Variants in NAA30 observed in about 807,000 individuals in gnomAD.
The protein encoded by NAA30 is N-alpha-acetyltransferase 30.
Under a neutral mutation model 31.4 loss-of-function variants are expected in NAA30, and 5 were observed. The observed-to-expected ratio is 0.16, with a 90% CI of 0.08 to 0.33. The LOEUF (loss-of-function observed/expected upper bound fraction) is 0.33. NAA30 is among the 10% of genes least tolerant of loss of function. The pLI, the probability that NAA30 is intolerant of heterozygous loss-of-function variation, is 1.00. For missense variants in NAA30, 428 were observed against 490.8 expected, an observed-to-expected ratio of 0.87 and a Z score of 1.21; for synonymous variants, 222 against 207.1, an observed-to-expected ratio of 1.07 and a Z score of -0.62.
chr14:57,397,405 C>CTG (rs1290211034), intron 3 of NAA30, among the ~76,000 whole-genome samples: 4 of 152,036 alleles, frequency 2.6e-5, no homozygotes, highest in Non-Finnish European at 5.9e-5. Context: ...TCTACTTTTC[C>CTG]TGACATGTTT....
chr14:57,401,732 G>A (rs2066478262), intron 4 of NAA30, among the ~76,000 whole-genome samples: 1 of 152,212 alleles, frequency 6.6e-6, no homozygotes, highest in Non-Finnish European at 1.5e-5. Flanking sequence ...GTTACTACTT[G>A]TGAGGCAGGC....
intron 4 of NAA30, among the ~76,000 whole-genome samples, chr14:57,407,965 A>C (rs773744066): frequency 6.6e-6 from 1 of 152,156 alleles, no homozygotes; most frequent in African/African-American, 2.4e-5. Flanking sequence ...ATGAGGTTCA[A>C]AGATGACTCC....
At position 57,393,809 on chromosome 14, in the gene NAA30, C is replaced by G. The variant is rs116332095; in HGVS notation, c.771+2081C>G. ...GTTTCAATCTCCAGATATTTACCGT[C>G]GGAAGGGTAAAGCTAGAACCCAGTT... On this transcript the variant is annotated intron_variant, in intron 2 of 4. Coordinates refer to ENST00000556492, the MANE Select transcript of NAA30 (RefSeq NM_001011713.3). 9.3e-4 allele frequency among the ~76,000 whole-genome samples: 141 copies of G among 152,150 alleles called. 1 individual carries two copies. The highest frequency in any genetic ancestry group is 8.3e-3 in the South Asian group (40 of 4,822).
In NAA30 at chr14:57,410,010, C is replaced by T. The variant is rs1476495174; in HGVS notation, c.*494C>T. ...TTTCCATTCTTGAATATTGGTACCT[C>T]AGTGATTAGTGAATGAAAAAAATGT... is the stretch of plus-strand genomic sequence containing the variant. On this transcript the variant is annotated 3_prime_UTR_variant, in exon 5 of 5. Transcript: ENST00000556492. The T allele has an allele frequency of 1.3e-5, 2 of 152,402 alleles. No homozygotes were observed. The highest frequency in any genetic ancestry group is 6.6e-5 in the Admixed American group (1 of 15,244). The allele number at this position is 152,402 out of a possible 1,614,324, so 9.4% of individuals were successfully genotyped here.
At chr14:57,406,954 G>A (rs1047620898) in intron 4 of NAA30, among the ~76,000 whole-genome samples, 1 of 152,120 alleles carries the variant, frequency 6.6e-6, no homozygotes, top group African/African-American at 2.4e-5. Flanking sequence ...GTGCAGTGGT[G>A]CACTCACAGC....
chr14:57,408,692 T>C (rs1225324022), intron 4 of NAA30, among the ~76,000 whole-genome samples: 2 of 152,226 alleles, frequency 1.3e-5, no homozygotes, highest in Admixed American at 6.5e-5. Flanking sequence ...ACCTCTTGTC[T>C]GGATTCAGCA....
chr14:57,414,889 C>T lies in NAA30; in HGVS notation c.*5373C>T, dbSNP rs1184567238. On this transcript the variant is annotated 3_prime_UTR_variant, in exon 5 of 5. Transcript: ENST00000556492. ...GTGTTTAATCTCAATATGAAACAGA[C>T]CTAGAAATAACAAAGACCACTGAAG... 6.6e-6 allele frequency: 1 copy of T among 152,128 alleles called. No homozygotes were observed. The highest frequency in any genetic ancestry group is 1.5e-5 in the Non-Finnish European group (1 of 68,028). 9.4% of individuals were successfully genotyped at this position (152,128 alleles called of 1,614,324 possible).
In NAA30 at chr14:57,412,552, T is replaced by G. The variant is rs906575217; in HGVS notation, c.*3036T>G. ...GGTTTGTAAAAACATAACCATAAAT[T>G]ATATTGACGTCAGATATGAGTTGAG... is the stretch of plus-strand genomic sequence containing the variant. On this transcript the variant is annotated 3_prime_UTR_variant, in exon 5 of 5. Transcript: ENST00000556492. The G allele has an allele frequency of 1.3e-5, 2 of 152,186 alleles. No individual in the cohort carries two copies. Among genetic ancestry groups the G allele is most frequent in the African/African-American group, 4.8e-5 (2 of 41,444 alleles). 9.4% of individuals were successfully genotyped at this position (152,186 alleles called of 1,614,324 possible).
At chr14:57,407,741 A>G (rs955830009) in intron 4 of NAA30, among the ~76,000 whole-genome samples, 9 of 152,116 alleles carry the variant, frequency 5.9e-5, no homozygotes, top group Non-Finnish European at 1.0e-4. Context: ...GGAATCAGTA[A>G]ACGGTTTTAA....
Position 57,415,596 on chromosome 14 carries a change from A to G in NAA30, c.*6080A>G, listed in dbSNP as rs2066543745. On this transcript the variant is annotated 3_prime_UTR_variant, in exon 5 of 5. Coordinates refer to ENST00000556492, the MANE Select transcript of NAA30 (RefSeq NM_001011713.3). ...ATTTTTAAGGAACTGTGCTGCATTA[A>G]AATCCACAGTTGCATGAAACTTTTA... 6.6e-6 allele frequency: 1 copy of G among 152,214 alleles called. No individual in the cohort carries two copies. Among genetic ancestry groups the G allele is most frequent in the Admixed American group, 6.5e-5 (1 of 15,276 alleles). 9.4% of individuals were successfully genotyped at this position (152,214 alleles called of 1,614,324 possible). A position where few individuals can be genotyped will look rare whatever the true frequency, so the allele number is the denominator to read the frequency against.
At chr14:57,397,179 A>G (rs541640723) in intron 3 of NAA30, among the ~76,000 whole-genome samples, 3 of 152,290 alleles carry the variant, frequency 2.0e-5, no homozygotes, top group Middle Eastern at 6.8e-3. Flanking sequence ...ACCACAAGAA[A>G]TACTGCAATT....
chr14:57,392,624 C>T (rs1286891612), intron 2 of NAA30, among the ~76,000 whole-genome samples: 1 of 152,146 alleles, frequency 6.6e-6, no homozygotes, highest in Non-Finnish European at 1.5e-5. Context: ...TAAACGTTGA[C>T]TGCAGGTGTA....
Position 57,399,824 on chromosome 14 carries a change from C to G in NAA30, c.896-4C>G, listed in dbSNP as rs2066466859. ...CTTCATTAATACTCAGATCTATATT[C>G]TAGGTACTAACTTGGTTAAGAAAGC... is the stretch of plus-strand genomic sequence containing the variant. On this transcript the variant is annotated splice_region_variant and splice_polypyrimidine_tract_variant and intron_variant, in intron 3 of 4. Coordinates refer to ENST00000556492, the MANE Select transcript of NAA30 (RefSeq NM_001011713.3). 1.4e-6 allele frequency: 2 copies of G among 1,446,726 alleles called. No homozygotes were observed. Among genetic ancestry groups the G allele is most frequent in the South Asian group, 2.3e-5 (2 of 85,134 alleles). The allele number at this position is 1,446,726 out of a possible 1,614,324, so 89.6% of individuals were successfully genotyped here.
At chr14:57,408,621 G>T (rs960113019) in intron 4 of NAA30, among the ~76,000 whole-genome samples, 1 of 152,124 alleles carries the variant, frequency 6.6e-6, no homozygotes, top group Non-Finnish European at 1.5e-5. Flanking sequence ...TGAGGGTGGG[G>T]CTCAGCAATC....
chr14:57,399,830 A>G lies in NAA30; in HGVS notation c.898A>G (p.Thr300Ala). 1 of 1,494,376 alleles carries G rather than the reference A, an allele frequency of 6.7e-7. No homozygotes were observed. The highest frequency in any genetic ancestry group is 9.3e-7 in the Non-Finnish European group (1 of 1,075,358). 92.6% of individuals were successfully genotyped at this position (1,494,376 alleles called of 1,614,324 possible). A position where few individuals can be genotyped will look rare whatever the true frequency, so the allele number is the denominator to read the frequency against. ...TAATACTCAGATCTATATTCTAGGT[A>G]CTAACTTGGTTAAGAAAGCTATATA... is the stretch of plus-strand genomic sequence containing the variant. Reference protein sequence around the residue: ...DSKYRRNGIGTNLVKKAIYAM... With the variant: ...DSKYRRNGIGANLVKKAIYAM... The change falls in exon 4 of 5, where the codon ACT becomes GCT. Residue 300 changes from threonine to alanine, a missense_variant and splice_region_variant. Thr to Ala is a moderately conservative substitution (Grantham distance 58, BLOSUM62 0). Coordinates refer to ENST00000556492, the MANE Select transcript of NAA30 (RefSeq NM_001011713.3).
chr14:57,396,263 C>T (rs1352502115), intron 2 of NAA30, among the ~76,000 whole-genome samples: 1 of 152,228 alleles, frequency 6.6e-6, no homozygotes, highest in African/African-American at 2.4e-5. Flanking sequence ...GCATGAGCCA[C>T]AGCACCTGGC....
At chr14:57,390,877 C>A in intron 1 of NAA30, 80 bp from the exon 2 acceptor site, 1 of 1,409,164 alleles carries the variant, frequency 7.1e-7, no homozygotes, top group Non-Finnish European at 9.2e-7. Flanking sequence ...ACCTCGGCCG[C>A]CCCCCATCCG....
intron 4 of NAA30, among the ~76,000 whole-genome samples, chr14:57,400,896 G>GT (rs72417099): frequency 5.2e-4 from 75 of 144,712 alleles, no homozygotes; most frequent in South Asian, 3.0e-3. Flanking sequence ...GTTTTTTTTT[G>GT]TTTTTTTTTT....
At chr14:57,401,246 T>C (rs975785145) in intron 4 of NAA30, among the ~76,000 whole-genome samples, 7 of 152,212 alleles carry the variant, frequency 4.6e-5, no homozygotes, top group African/African-American at 7.2e-5. Context: ...GGCTCCTTGT[T>C]CACATTAGGC....
Sources: gnomAD v4.1 joint callset for allele counts (sites outside exome capture counted in the v4.1 genomes callset) on GRCh38, gnomAD v4.1.1 for gene constraint, MANE v1.5 for transcripts, NCBI Gene and HGNC (gene_info 2026-07-23, HGNC 2026-07-21) for gene names.